The following TRAPPC9 variants were observed in gnomAD, a reference collection of about 807,000 sequenced individuals.
The protein encoded by TRAPPC9 is trafficking protein particle complex subunit 9.
A neutral mutation model predicts 124.0 loss-of-function variants in TRAPPC9; 83 were observed. The ratio of observed to expected loss-of-function variants is 0.67; its 90% CI spans 0.56 to 0.80. TRAPPC9 has a LOEUF of 0.80. Ranked by LOEUF, TRAPPC9 falls within the 30% of genes least tolerant of loss-of-function variation. The pLI is 0.00. For missense variants in TRAPPC9, 1,302 were observed against 1,508.3 expected, an observed-to-expected ratio of 0.86 and a Z score of 2.27; for synonymous variants, 638 against 617.5, an observed-to-expected ratio of 1.03 and a Z score of -0.49.
intron 21 of TRAPPC9, among the ~76,000 whole-genome samples, chr8:139,789,163 T>A (rs1196105580): frequency 6.6e-6 from 1 of 152,216 alleles, no homozygotes; most frequent in African/African-American, 2.4e-5. Context: ...CTCACACTCA[T>A]CTGCTGCAGC....
intron 9 of TRAPPC9, among the ~76,000 whole-genome samples, chr8:140,321,294 T>A (rs1222005546): frequency 6.6e-6 from 1 of 151,668 alleles, no homozygotes; most frequent in Non-Finnish European, 1.5e-5. Flanking sequence ...GAGCCAGGAG[T>A]AGTGACAGTG....
chr8:140,005,285 G>C (rs1327454609), intron 18 of TRAPPC9, among the ~76,000 whole-genome samples: 1 of 152,142 alleles, frequency 6.6e-6, no homozygotes, highest in Admixed American at 6.5e-5. Flanking sequence ...CAGGGACTCT[G>C]ACTTCTCTGG....
intron 19 of TRAPPC9, among the ~76,000 whole-genome samples, chr8:139,985,148 A>T (rs1484919472): frequency 6.6e-6 from 1 of 152,192 alleles, no homozygotes; most frequent in Non-Finnish European, 1.5e-5. Flanking sequence ...TTAAGCAAAA[A>T]CTTAATAACA....
chr8:140,451,215 G>A lies in TRAPPC9; in HGVS notation c.159C>T (p.Leu53=), dbSNP rs112997540. 1.5e-4 allele frequency: 250 copies of A among 1,614,102 alleles called. 1 individual carries two copies. The African/African-American group carries it at 2.8e-3, about 18-fold the overall frequency. ...GGTAGTGGTGCCTGTAGCGGATGTAGAGGACTCGCTGGGAGTCCCGCACGC... is the reference window on the plus strand; with the variant it reads ...GGTAGTGGTGCCTGTAGCGGATGTAAAGGACTCGCTGGGAGTCCCGCACGC... ...QISVRDSQRV[L]YIRYRHHYPP... Residue 53 remains leucine, a synonymous_variant, in exon 2 of 23, where the codon CTC becomes CTT. Transcript: ENST00000438773.
At chr8:140,096,216 C>G (rs1022763929) in intron 17 of TRAPPC9, 1 of 152,206 alleles carries the variant, frequency 6.6e-6, no homozygotes, top group East Asian at 1.9e-4. Flanking sequence ...AGCTAAAATA[C>G]ACAGGGGCTG....
chr8:140,205,991 C>T (rs1006493077), intron 17 of TRAPPC9, among the ~76,000 whole-genome samples: 5 of 152,214 alleles, frequency 3.3e-5, no homozygotes, highest in Non-Finnish European at 5.9e-5. Flanking sequence ...ATCCTTCACA[C>T]ATTTTGTCAG....
At chr8:140,148,161 G>A (rs1267155749) in intron 17 of TRAPPC9, among the ~76,000 whole-genome samples, 1 of 152,236 alleles carries the variant, frequency 6.6e-6, no homozygotes, top group Non-Finnish European at 1.5e-5. Context: ...AGTGTGCAGG[G>A]AGGAGGGACA....
chr8:139,832,876 C>T (rs994536181), intron 21 of TRAPPC9, among the ~76,000 whole-genome samples: 3 of 152,132 alleles, frequency 2.0e-5, no homozygotes, highest in Non-Finnish European at 2.9e-5. Context: ...TCCATGATTA[C>T]GGCATTCTCT....
At chr8:140,430,396 C>A (rs906664560) in intron 4 of TRAPPC9, among the ~76,000 whole-genome samples, 3 of 152,174 alleles carry the variant, frequency 2.0e-5, no homozygotes, top group Non-Finnish European at 4.4e-5. Context: ...ATTCCTCCCC[C>A]ACCCAAGTGG....
chr8:139,804,160 CAAG>C, intron 21 of TRAPPC9, among the ~76,000 whole-genome samples: 1 of 128,496 alleles, frequency 7.8e-6, no homozygotes, highest in East Asian at 2.7e-4. Flanking sequence ...CCACCACCAC[CAAG>C]CACCACCACC....
At chr8:139,821,982 AAAG>A (rs1374189403) in intron 21 of TRAPPC9, among the ~76,000 whole-genome samples, 1 of 152,218 alleles carries the variant, frequency 6.6e-6, no homozygotes, top group Non-Finnish European at 1.5e-5. Flanking sequence ...GCTGAGCAAT[AAAG>A]AAGAGAGATT....
At chr8:140,391,586 C>T (rs1378848837) in intron 7 of TRAPPC9, among the ~76,000 whole-genome samples, 1 of 151,736 alleles carries the variant, frequency 6.6e-6, no homozygotes, top group African/African-American at 2.4e-5. Flanking sequence ...GTGGCACATG[C>T]CTGTAATCTC....
intron 17 of TRAPPC9, among the ~76,000 whole-genome samples, chr8:140,029,794 T>A (rs1400852897): frequency 2.0e-5 from 3 of 151,952 alleles, no homozygotes; most frequent in African/African-American, 7.2e-5. Flanking sequence ...AATCTTTTTA[T>A]GAGACCAATA....
At chr8:139,961,690 G>A (rs919879906) in intron 19 of TRAPPC9, among the ~76,000 whole-genome samples, 2,038 of 123,760 alleles carry the variant, frequency 0.016, 609 homozygotes, top group Admixed American at 0.13. Context: ...GCTCAGGGGT[G>A]TCTGCTCCCA....
intron 16 of TRAPPC9, among the ~76,000 whole-genome samples, chr8:140,221,834 C>T (rs907134409): frequency 3.9e-5 from 6 of 152,144 alleles, no homozygotes; most frequent in African/African-American, 1.4e-4. Context: ...GGTGGGGTTT[C>T]ACCACGTTGC....
rs2129926163 is a variant in TRAPPC9 at position 139,731,369 on chromosome 8, C to T, written c.3280-141G>A. The T allele has an allele frequency of 1.2e-5, 11 of 904,336 alleles. No individual in the cohort carries two copies. In the South Asian group the frequency reaches 1.6e-4, roughly 13 times the overall value. The allele number at this position is 904,336 out of a possible 1,614,324, so 56.0% of individuals were successfully genotyped here. A position where few individuals can be genotyped will look rare whatever the true frequency, so the allele number is the denominator to read the frequency against. On this transcript the variant is annotated intron_variant, in intron 22 of 22. Transcript: ENST00000438773. ...CCAGGCCTGGCTCCAGTGCCCCCTCCAGCAGGTCACTGCGCCTCTCCGAGC... is the reference window on the plus strand; with the variant it reads ...CCAGGCCTGGCTCCAGTGCCCCCTCTAGCAGGTCACTGCGCCTCTCCGAGC...
chr8:140,160,731 A>T (rs2061737450), intron 17 of TRAPPC9, among the ~76,000 whole-genome samples: 2 of 152,166 alleles, frequency 1.3e-5, no homozygotes, highest in African/African-American at 4.8e-5. Context: ...TCAACATGGC[A>T]CATGTATACC....
chr8:139,745,426 C>T (rs1028863730), intron 21 of TRAPPC9, among the ~76,000 whole-genome samples: 1 of 152,234 alleles, frequency 6.6e-6, no homozygotes, highest in African/African-American at 2.4e-5. Flanking sequence ...GTGCCTGGCT[C>T]CCACACCCAG....
chr8:139,814,466 C>G (rs1824688546), intron 21 of TRAPPC9, among the ~76,000 whole-genome samples: 2 of 152,096 alleles, frequency 1.3e-5, no homozygotes, highest in Admixed American at 1.3e-4. Context: ...GGAAAAGGAC[C>G]CCGGGGCCCC....
Sources: gnomAD v4.1 joint callset for allele counts (sites outside exome capture counted in the v4.1 genomes callset) on GRCh38, gnomAD v4.1.1 for gene constraint, MANE v1.5 for transcripts, NCBI Gene and HGNC (gene_info 2026-07-23, HGNC 2026-07-21) for gene names.